Variants in CPQ observed in about 807,000 individuals in gnomAD.
The protein encoded by CPQ is carboxypeptidase Q.
CPQ carries 37 observed loss-of-function variants against 45.7 expected under a neutral mutation model. That is an observed-to-expected ratio of 0.81 (90% CI 0.62 to 1.07). CPQ has a LOEUF of 1.07. Ranked by LOEUF, CPQ falls within the 50% of genes least tolerant of loss-of-function variation. CPQ has a pLI of 0.00. For missense variants in CPQ, 537 were observed against 572.9 expected, an observed-to-expected ratio of 0.94 and a Z score of 0.64; for synonymous variants, 186 against 205.8, an observed-to-expected ratio of 0.90 and a Z score of 0.82.
At chr8:96,836,431 G>A (rs527825862) in intron 3 of CPQ, among the ~76,000 whole-genome samples, 13 of 152,130 alleles carry the variant, frequency 8.5e-5, no homozygotes, top group South Asian at 8.3e-4. Context: ...AAAGTTATAC[G>A]ACTAGTTACA....
intron 4 of CPQ, among the ~76,000 whole-genome samples, chr8:96,887,900 A>C (rs971436357): frequency 2.4e-4 from 37 of 152,270 alleles, no homozygotes; most frequent in African/African-American, 8.7e-4. Context: ...GAACAAATTC[A>C]GTTTTATATG....
intron 1 of CPQ, among the ~76,000 whole-genome samples, chr8:96,657,478 C>T (rs560837526): frequency 5.3e-5 from 8 of 152,268 alleles, no homozygotes; most frequent in African/African-American, 1.7e-4. Flanking sequence ...CAGCTGTCTC[C>T]GTTTCTTTCT....
intron 6 of CPQ, among the ~76,000 whole-genome samples, 181 bp downstream of exon 6, chr8:97,029,675 G>A: frequency 6.6e-6 from 1 of 152,120 alleles, no homozygotes; most frequent in East Asian, 1.9e-4. Flanking sequence ...ATGATGCTGT[G>A]GTGTAGAGCT....
At chr8:96,761,532 C>T (rs1810405992) in intron 1 of CPQ, 1 of 152,138 alleles carries the variant, frequency 6.6e-6, no homozygotes, top group African/African-American at 2.4e-5. Context: ...AAGAGCTTGC[C>T]TGTTTTCTTT....
At chr8:96,659,541 G>A (rs182612896) in intron 1 of CPQ, among the ~76,000 whole-genome samples, 8 of 152,258 alleles carry the variant, frequency 5.3e-5, no homozygotes, top group South Asian at 2.1e-4. Flanking sequence ...TTTACCCTAC[G>A]GCTTTAATAA....
intron 5 of CPQ, among the ~76,000 whole-genome samples, chr8:96,973,512 C>CA (rs1241608814): frequency 1.3e-5 from 2 of 152,030 alleles, no homozygotes; most frequent in African/African-American, 2.4e-5. Context: ...ACAAGAAACT[C>CA]AAAGAACTCC....
At chr8:96,899,908 G>A (rs1045673726) in intron 4 of CPQ, among the ~76,000 whole-genome samples, 5 of 152,182 alleles carry the variant, frequency 3.3e-5, no homozygotes, top group African/African-American at 1.2e-4. Context: ...AGATAATGGA[G>A]GAAGACAGTT....
intron 1 of CPQ, among the ~76,000 whole-genome samples, chr8:96,757,242 T>G (rs746515818): frequency 1.3e-5 from 2 of 151,628 alleles, no homozygotes; most frequent in Non-Finnish European, 2.9e-5. Flanking sequence ...TCCAAGCTAC[T>G]TGGGAGGCTG....
intron 4 of CPQ, among the ~76,000 whole-genome samples, chr8:96,888,599 G>A (rs571981172): frequency 1.3e-5 from 2 of 152,212 alleles, no homozygotes; most frequent in South Asian, 2.1e-4. Context: ...TTCTGTGTTC[G>A]AATACAGTTG....
intron 3 of CPQ, among the ~76,000 whole-genome samples, chr8:96,840,554 C>A (rs1261948122): frequency 2.0e-5 from 3 of 152,080 alleles, no homozygotes; most frequent in African/African-American, 7.2e-5. Context: ...TTAACAAGCC[C>A]TCCAGGTGAT....
At chr8:96,743,041 A>C (rs1265137510) in intron 1 of CPQ, among the ~76,000 whole-genome samples, 1 of 152,074 alleles carries the variant, frequency 6.6e-6, no homozygotes, top group East Asian at 1.9e-4. Flanking sequence ...AGATTGGGGA[A>C]GTTCTCCTGG....
chr8:96,868,816 C>A (rs1812026974), intron 3 of CPQ, among the ~76,000 whole-genome samples: 1 of 151,892 alleles, frequency 6.6e-6, no homozygotes, highest in African/African-American at 2.4e-5. Flanking sequence ...TCCTACACTT[C>A]ATAATTAACA....
chr8:96,701,270 A>C (rs1043080231), intron 1 of CPQ, among the ~76,000 whole-genome samples: 5 of 152,142 alleles, frequency 3.3e-5, no homozygotes, highest in African/African-American at 1.2e-4. Context: ...CATTCTTCCA[A>C]GGATTTGGGA....
intron 1 of CPQ, among the ~76,000 whole-genome samples, chr8:96,740,077 A>T (rs984867590): frequency 6.6e-6 from 1 of 151,942 alleles, no homozygotes; most frequent in Non-Finnish European, 1.5e-5. Context: ...CATGATATTG[A>T]TTCTTCCTAC....
chr8:96,714,256 C>G (rs2130756307), intron 1 of CPQ, among the ~76,000 whole-genome samples: 1 of 152,302 alleles, frequency 6.6e-6, no homozygotes, highest in Admixed American at 6.5e-5. Flanking sequence ...TTTCTCTTCT[C>G]CCTCAGGAAC....
chr8:96,952,487 C>G (rs1227623976), intron 4 of CPQ, among the ~76,000 whole-genome samples: 1 of 151,982 alleles, frequency 6.6e-6, no homozygotes, highest in African/African-American at 2.4e-5. Flanking sequence ...CAAGAAGGTT[C>G]TTACAGTTTA....
At chr8:96,908,201 AAG>A (rs1289193640) in intron 4 of CPQ, among the ~76,000 whole-genome samples, 1 of 151,490 alleles carries the variant, frequency 6.6e-6, no homozygotes, top group Non-Finnish European at 1.5e-5. Context: ...AGAGAGAGAG[AAG>A]AGAGAGACAG....
At chr8:97,063,788 C>T (rs1456882621) in intron 6 of CPQ, among the ~76,000 whole-genome samples, 5 of 151,852 alleles carry the variant, frequency 3.3e-5, no homozygotes, top group African/African-American at 1.2e-4. Flanking sequence ...GGTGTTCAGC[C>T]TTATTTCTGG....
chr8:97,141,117 T>G (rs1379104058), intron 7 of CPQ, among the ~76,000 whole-genome samples: 1 of 152,036 alleles, frequency 6.6e-6, no homozygotes, highest in African/African-American at 2.4e-5. Flanking sequence ...AGAATATCTT[T>G]GTAATATTAG....
Sources: allele counts gnomAD v4.1 joint callset (sites outside exome capture counted in the v4.1 genomes callset), GRCh38; gene constraint gnomAD v4.1.1; transcripts MANE v1.5; gene names NCBI Gene and HGNC (gene_info 2026-07-23, HGNC 2026-07-21).